Variants in SALL1 observed in about 807,000 individuals in gnomAD.
SALL1 encodes the protein spalt like transcription factor 1.
Under a neutral mutation model 73.1 loss-of-function variants are expected in SALL1, and 10 were observed. The observed-to-expected ratio is 0.14, with a 90% CI of 0.08 to 0.23. The LOEUF (loss-of-function observed/expected upper bound fraction) is 0.23, where lower values mean the gene tolerates loss of function less well. Among genes scored for constraint, SALL1 ranks in the 10% least tolerant of loss-of-function variants. The pLI is 1.00. For synonymous variants in SALL1, 688 were observed against 689.8 expected, an observed-to-expected ratio of 1.00 and a Z score of 0.04; for missense variants, 1,520 against 1,697.3, an observed-to-expected ratio of 0.90 and a Z score of 1.84.
chr16:51,144,871 T>C (rs1962492624), intron 1 of SALL1, among the ~76,000 whole-genome samples: 1 of 152,144 alleles, frequency 6.6e-6, no homozygotes. Flanking sequence ...TAAAAAGTTG[T>C]CCATATTTTA....
At chr16:51,137,861 A>G (rs1185433386) in intron 2 of SALL1, among the ~76,000 whole-genome samples, 1 of 152,228 alleles carries the variant, frequency 6.6e-6, no homozygotes, top group Non-Finnish European at 1.5e-5. Context: ...CAAGCAAGCC[A>G]GGCAGTGGCG....
In SALL1 at chr16:51,136,018, T is replaced by A. The variant is rs1326088608; in HGVS notation, c.*1094A>T. On this transcript the variant is annotated 3_prime_UTR_variant, in exon 3 of 3. Transcript: ENST00000251020. Reference sequence around the variant, plus strand: ...CTGTTGCAAAAAAAATGTATTTGATTACTTGAGTAAAATTACAGTATCTCT... The same window carrying A: ...CTGTTGCAAAAAAAATGTATTTGATAACTTGAGTAAAATTACAGTATCTCT... 1 of 152,660 alleles carries A rather than the reference T, an allele frequency of 6.6e-6. No individual in the cohort carries two copies. 9.5% of individuals were successfully genotyped at this position (152,660 alleles called of 1,614,324 possible).
rs765807622 is a variant in SALL1 at position 51,137,390 on chromosome 16, A to G, written c.3697T>C (p.Phe1233Leu). 3.7e-6 allele frequency: 6 copies of G among 1,614,154 alleles called. No homozygotes were observed. Among genetic ancestry groups the G allele is most frequent in the Non-Finnish European group, 4.2e-6 (5 of 1,180,028 alleles). The change falls in exon 3 of 3, where the codon TTC (phenylalanine) becomes CTC (leucine). Residue 1233 changes from phenylalanine (F) to leucine (L), a missense_variant. This residue lies in a region of SALL1 where 318 missense variants were observed against 357.1 expected (regional missense o/e 0.89). Transcript: ENST00000251020. Reference protein sequence around the residue: ...ARSGSGDPSSFWNQYAAALSN... With the variant: ...ARSGSGDPSSLWNQYAAALSN... The stretch of plus-strand genomic sequence containing the variant: ...AGCGCTGCTGCATACTGATTCCAGA[A>G]GCTGGAAGGATCCCCACTTCCTGAT...
chr16:51,139,236 C>T lies in SALL1; in HGVS notation c.2986G>A (p.Gly996Ser), dbSNP rs1469523828. The T allele has an allele frequency of 1.4e-5, 23 of 1,613,970 alleles. No individual in the cohort carries two copies. Among genetic ancestry groups the T allele is most frequent in the Non-Finnish European group, 1.9e-5 (22 of 1,180,030 alleles). ...LGILFPFRDR[G>S]KFKNTACDIC... ...TCACAAGCAGTGTTTTTAAATTTAC[C>T]CCGGTCTCTAAAAGGGAAGAGGATC... Residue 996 changes from glycine to serine, a missense_variant, in exon 2 of 3, where the codon GGT (glycine) becomes AGT (serine). Physicochemically the swap from Gly to Ser is moderately conservative, Grantham distance 56. Transcript: ENST00000251020.
chr16:51,139,941 G>T lies in SALL1; in HGVS notation c.2281C>A (p.Pro761Thr). The T allele has an allele frequency of 6.2e-7, 1 of 1,614,198 alleles. No individual in the cohort carries two copies. Among genetic ancestry groups the T allele is most frequent in the South Asian group, 1.1e-5 (1 of 91,082 alleles). ...GGGCAGGAATGCTGGACTCTGAGCG[G>T]GGGCATAGCACGATGGACACTGTAG... is the stretch of plus-strand genomic sequence containing the variant. ...THYSVHRAMP[P>T]LRVQHSCPIC... is the part of the protein sequence containing the mutation. The change falls in exon 2 of 3, where the codon CCG becomes ACG. Residue 761 changes from proline to threonine, a missense_variant. By Grantham distance (38) the Pro-to-Thr change is conservative. This residue lies in a region of SALL1 where 77 missense variants were observed against 117.2 expected (regional missense o/e 0.66). Transcript: ENST00000251020.
At position 51,140,316 on chromosome 16, in the gene SALL1, T is replaced by G; in HGVS notation, c.1906A>C (p.Thr636Pro). 6.2e-7 allele frequency: 1 copy of G among 1,614,044 alleles called. No individual in the cohort carries two copies. The highest frequency in any genetic ancestry group is 2.2e-5 in the East Asian group (1 of 44,882). ...GAGCTCAGGACGCTACTGCTCGCCG[T>G]CGGGACTGAGTTGGTGACCATGCCA... ...ESGMVTNSVP[T>P]ASSSVLSSPA... Residue 636 changes from threonine (T) to proline (P), a missense_variant, in exon 2 of 3, where the codon ACG becomes CCG. Transcript: ENST00000251020. The surrounding 1 kb of genome is among the most constrained non-coding windows in gnomAD (Gnocchi z 5.7).
rs1466712646 is a variant in SALL1 at position 51,140,363 on chromosome 16, G to A, written c.1859C>T (p.Ser620Phe). Residue 620 changes from serine to phenylalanine, a missense_variant, in exon 2 of 3, where the codon TCT becomes TTT. Transcript: ENST00000251020. This position sits in a 1 kb window ranked among gnomAD's most constrained non-coding sequence, Gnocchi z 5.7. ...GCCACTCTCTTCGCTTTTGCCACCA[G>A]AGGGTGGCAGAGTGGACCCTTCGGC... ...EEAEGSTLPP[S>F]GGKSEESGMV... 1.2e-6 allele frequency: 2 copies of A among 1,614,052 alleles called. No homozygotes were observed. Among genetic ancestry groups the A allele is most frequent in the Non-Finnish European group, 1.7e-6 (2 of 1,180,032 alleles).
intron 2 of SALL1, among the ~76,000 whole-genome samples, chr16:51,137,928 T>C (rs1962342540): frequency 6.6e-6 from 1 of 152,200 alleles, no homozygotes. Context: ...ATGGTAAGTA[T>C]TGTATCTGAC....
chr16:51,139,413 C>T lies in SALL1; in HGVS notation c.2809G>A (p.Glu937Lys), dbSNP rs756878208. Reference sequence around the variant, plus strand: ...TCAATGCTGGGTGACTTGTGGAACTCCTGCGTGCTGTTGGACGGGGACAGA... The same window carrying T: ...TCAATGCTGGGTGACTTGTGGAACTTCTGCGTGCTGTTGGACGGGGACAGA... ...QALSPSNSTQ[E>K]FHKSPSIEEK... Residue 937 changes from glutamate to lysine, a missense_variant, in exon 2 of 3, where the codon GAG becomes AAG. Coordinates refer to ENST00000251020, the MANE Select transcript of SALL1 (RefSeq NM_002968.3). 5.6e-6 allele frequency: 9 copies of T among 1,614,124 alleles called. No individual in the cohort carries two copies. The highest frequency in any genetic ancestry group is 3.3e-5 in the South Asian group (3 of 91,044).
At position 51,141,712 on chromosome 16, in the gene SALL1, T is replaced by C; in HGVS notation, c.510A>G (p.Ser170=). The change falls in exon 2 of 3, where the codon TCA becomes TCG. Residue 170 remains serine, a synonymous_variant. Coordinates refer to ENST00000251020, the MANE Select transcript of SALL1 (RefSeq NM_002968.3). This position sits in a 1 kb window ranked among gnomAD's most constrained non-coding sequence, Gnocchi z 5.4. ...GTTGAGGTAGAGAGGTTGTGATCGCTGAGGTACCTGTGGAGGAGCTGCCGC... is the reference window on the plus strand; with the variant it reads ...GTTGAGGTAGAGAGGTTGTGATCGCCGAGGTACCTGTGGAGGAGCTGCCGC... ...GGGGSSSTGT[S]AITTSLPQLG... The C allele has an allele frequency of 1.9e-6, 3 of 1,613,508 alleles. No homozygotes were observed. Among genetic ancestry groups the C allele is most frequent in the Non-Finnish European group, 2.5e-6 (3 of 1,179,984 alleles).
chr16:51,138,027 G>T (rs1962343757), intron 2 of SALL1, among the ~76,000 whole-genome samples: 1 of 152,222 alleles, frequency 6.6e-6, no homozygotes, highest in African/African-American at 2.4e-5. Context: ...GGAGAGAAAA[G>T]CCAGAAAGTA....
intron 1 of SALL1, chr16:51,149,845 CAGGGT>C (rs1962570308): frequency 6.6e-6 from 1 of 152,066 alleles, no homozygotes; most frequent in African/African-American, 2.4e-5. Flanking sequence ...AGGTGCCGAT[CAGGGT>C]CACGCTTCGG....
upstream of SALL1, chr16:51,152,171 G>A (rs978587490): frequency 6.6e-6 from 1 of 152,096 alleles, no homozygotes; most frequent in African/African-American, 2.4e-5. Context: ...GAGGATCCAG[G>A]AAAGGTTTGG....
intron 1 of SALL1, among the ~76,000 whole-genome samples, chr16:51,145,979 C>CTT (rs372735955): frequency 7.0e-5 from 9 of 128,884 alleles, no homozygotes; most frequent in Admixed American, 1.6e-4. Context: ...ATTGATTGGT[C>CTT]TTTTTTTTTT....
intron 2 of SALL1, among the ~76,000 whole-genome samples, chr16:51,137,972 G>T (rs941329544): frequency 6.6e-6 from 1 of 152,202 alleles, no homozygotes; most frequent in Non-Finnish European, 1.5e-5. Flanking sequence ...TTTCAGATGG[G>T]GAGAAGGTAT....
chr16:51,139,802 T>A lies in SALL1; in HGVS notation c.2420A>T (p.Glu807Val), dbSNP rs1386094218. The change falls in exon 2 of 3, where the codon GAG (glutamate) becomes GTG (valine). Residue 807 changes from glutamate (E) to valine (V), a missense_variant. Glu to Val is a moderately radical substitution (Grantham distance 121, BLOSUM62 -2). This residue lies in a region of SALL1 where 266 missense variants were observed against 275.1 expected (regional missense o/e 0.97). Coordinates refer to ENST00000251020, the MANE Select transcript of SALL1 (RefSeq NM_002968.3). ...PVPDSYSESM[E>V]SDTGSFDEKN... The stretch of plus-strand genomic sequence containing the variant: ...CTCATCAAAGGAACCTGTGTCAGAC[T>A]CCATGGACTCAGAGTAGCTGTCGGG... 1.2e-6 allele frequency: 2 copies of A among 1,614,096 alleles called. No individual in the cohort carries two copies. Among genetic ancestry groups the A allele is most frequent in the Non-Finnish European group, 1.7e-6 (2 of 1,180,056 alleles).
intron 1 of SALL1, among the ~76,000 whole-genome samples, chr16:51,146,371 G>C (rs1323826464): frequency 6.6e-6 from 1 of 152,090 alleles, no homozygotes. Context: ...CACTAGATGG[G>C]GTTCCAGTTG....
chr16:51,138,081 T>C (rs1962344544), intron 2 of SALL1, among the ~76,000 whole-genome samples: 1 of 152,252 alleles, frequency 6.6e-6, no homozygotes, highest in East Asian at 1.9e-4. Flanking sequence ...AGAGAAATAC[T>C]CTGTCAACAG....
Position 51,140,247 on chromosome 16 carries a change from T to C in SALL1, c.1975A>G (p.Thr659Ala), listed in dbSNP as rs1047221332. ...GACATGAGCGGCAACAAAGGGTTGG[T>C]GAAGGTGGTGGCACTGCCCGCGGGG... ...CGPAGSATTF[T>A]NPLLPLMSEQ... is the part of the protein sequence containing the mutation. The change falls in exon 2 of 3, where the codon ACC (threonine) becomes GCC (alanine). Residue 659 changes from threonine (T) to alanine (A), a missense_variant. By Grantham distance (58) the Thr-to-Ala change is moderately conservative. Around this residue, in one of 7 missense-constraint regions of SALL1, gnomAD observed 276 missense variants for 259.1 expected, o/e 1.07. Coordinates refer to ENST00000251020, the MANE Select transcript of SALL1 (RefSeq NM_002968.3). This position sits in a 1 kb window ranked among gnomAD's most constrained non-coding sequence, Gnocchi z 5.7. 2 of 1,614,176 alleles carry C rather than the reference T, an allele frequency of 1.2e-6. No individual in the cohort carries two copies. The highest frequency in any genetic ancestry group is 1.7e-6 in the Non-Finnish European group (2 of 1,180,044).
Sources: gnomAD v4.1 joint callset for allele counts (sites outside exome capture counted in the v4.1 genomes callset) on GRCh38, gnomAD v4.1.1 for gene constraint, gnomAD v4.1.1 regional missense constraint, Gnocchi (gnomAD v3.1) non-coding constraint, MANE v1.5 for transcripts, NCBI Gene and HGNC (gene_info 2026-07-23, HGNC 2026-07-21) for gene names.